Variants in MTHFD1L observed in about 807,000 individuals in gnomAD.
MTHFD1L encodes the protein methylenetetrahydrofolate dehydrogenase (NADP+ dependent) 1 like.
In MTHFD1L, 81 loss-of-function variants were observed where a neutral mutation model predicts 119.5. That is an observed-to-expected ratio of 0.68 (90% CI 0.57 to 0.82). The LOEUF (loss-of-function observed/expected upper bound fraction) is 0.82. Ranked by LOEUF, MTHFD1L falls within the 40% of genes least tolerant of loss-of-function variation. MTHFD1L has a pLI of 0.00. For missense variants in MTHFD1L, 1,125 were observed against 1,253.4 expected (o/e 0.90, Z 1.55); for synonymous variants, 430 against 475.2 (o/e 0.90, Z 1.24).
intron 5 of MTHFD1L, 80 bp downstream of exon 5, chr6:150,882,966 T>C: frequency 7.6e-7 from 1 of 1,312,414 alleles, no homozygotes; most frequent in Non-Finnish European, 1.0e-6. Context: ...TTTCTAAATT[T>C]CTTCTATTTA....
chr6:151,003,401 G>A (rs186363669), intron 20 of MTHFD1L, among the ~76,000 whole-genome samples: 418 of 152,210 alleles, frequency 2.7e-3, no homozygotes, highest in African/African-American at 9.6e-3. Flanking sequence ...GCGTGGTGGT[G>A]GGTGCCTGTA....
intron 26 of MTHFD1L, among the ~76,000 whole-genome samples, chr6:151,059,036 G>A (rs1790326728): frequency 6.6e-6 from 1 of 151,962 alleles, no homozygotes; most frequent in African/African-American, 2.4e-5. Context: ...GTGCCTCAGT[G>A]AGGGGCAGGC....
rs146424777 is a variant in MTHFD1L at position 151,096,750 on chromosome 6, A to G, written c.*31+4163A>G. Among the ~76,000 whole-genome samples the G allele has an allele frequency of 3.6e-3, 543 of 152,296 alleles. 5 individuals are homozygous for G. The highest frequency in any genetic ancestry group is 0.012 in the African/African-American group (513 of 41,550). On this transcript the variant is annotated intron_variant, in intron 27 of 27. Transcript: ENST00000367321. ...CAGGAAAGTGTTGAAGGCGCGTTCC[A>G]CTCAGGAAGAAGATTGTGCTTGGTT...
At chr6:150,964,050 TC>T (rs1199338171) in intron 18 of MTHFD1L, among the ~76,000 whole-genome samples, 3 of 152,178 alleles carry the variant, frequency 2.0e-5, no homozygotes, top group Non-Finnish European at 4.4e-5. Context: ...ATGCCTGTAG[TC>T]CCAGCTACTG....
At chr6:150,908,965 C>CA (rs963552645) in intron 8 of MTHFD1L, among the ~76,000 whole-genome samples, 22 of 151,962 alleles carry the variant, frequency 1.4e-4, no homozygotes, top group African/African-American at 5.1e-4. Flanking sequence ...TGGGTGAAGA[C>CA]AGAGTTTTAT....
At chr6:150,874,732 C>T (rs1010262665) in intron 1 of MTHFD1L, among the ~76,000 whole-genome samples, 1 of 152,024 alleles carries the variant, frequency 6.6e-6, no homozygotes, top group Non-Finnish European at 1.5e-5. Flanking sequence ...GTCACTCATC[C>T]CAGAAGGTTC....
chr6:150,969,436 C>T (rs1271188994), intron 19 of MTHFD1L, among the ~76,000 whole-genome samples: 2 of 150,564 alleles, frequency 1.3e-5, no homozygotes, highest in African/African-American at 4.9e-5. Flanking sequence ...GTGGAGGTTG[C>T]AGTGAGCAGA....
intron 25 of MTHFD1L, among the ~76,000 whole-genome samples, chr6:151,035,228 A>G (rs1332863314): frequency 1.3e-5 from 2 of 152,206 alleles, no homozygotes; most frequent in Admixed American, 1.3e-4. Context: ...AGTGACAGTC[A>G]TGATCAATCA....
At chr6:151,087,024 C>T (rs903060507) in intron 26 of MTHFD1L, among the ~76,000 whole-genome samples, 10 of 152,034 alleles carry the variant, frequency 6.6e-5, no homozygotes, top group South Asian at 2.1e-4. Context: ...CCGAGGCAGA[C>T]GAATCATTTG....
At chr6:150,922,026 A>G (rs1286364397) in intron 9 of MTHFD1L, among the ~76,000 whole-genome samples, 179 bp from the exon 10 acceptor site, 1 of 152,188 alleles carries the variant, frequency 6.6e-6, no homozygotes, top group Admixed American at 6.5e-5. Flanking sequence ...TTTCCTTTTT[A>G]AGAAAAACCT....
chr6:150,892,055 C>T (rs1216543038), intron 7 of MTHFD1L, among the ~76,000 whole-genome samples: 1 of 152,144 alleles, frequency 6.6e-6, no homozygotes, highest in Non-Finnish European at 1.5e-5. Flanking sequence ...TGCAATGAAA[C>T]GTGAACCTGT....
intron 24 of MTHFD1L, among the ~76,000 whole-genome samples, chr6:151,029,314 G>A (rs1319648493): frequency 5.3e-5 from 8 of 151,766 alleles, no homozygotes; most frequent in Non-Finnish European, 8.8e-5. Context: ...CCAGCTGTTC[G>A]GGAGGCTGAG....
chr6:150,906,061 C>T (rs1054294680), intron 8 of MTHFD1L, among the ~76,000 whole-genome samples: 7 of 152,134 alleles, frequency 4.6e-5, no homozygotes, highest in South Asian at 2.1e-4. Context: ...CTAGAAATAG[C>T]GGTTTTCACA....
intron 20 of MTHFD1L, among the ~76,000 whole-genome samples, chr6:150,992,791 G>A (rs1438726395): frequency 6.6e-6 from 1 of 152,110 alleles, no homozygotes; most frequent in Non-Finnish European, 1.5e-5. Flanking sequence ...GTAGGGATGC[G>A]GGCAGTTGGT....
chr6:151,065,175 C>A (rs982368834), intron 26 of MTHFD1L, among the ~76,000 whole-genome samples: 1 of 152,174 alleles, frequency 6.6e-6, no homozygotes, highest in Non-Finnish European at 1.5e-5. Flanking sequence ...TTAGGAGTAT[C>A]TGGCATGCCA....
chr6:150,998,995 A>AAAAAAAAATGTATATATATATAT (rs986639098), intron 20 of MTHFD1L, among the ~76,000 whole-genome samples: 2 of 143,582 alleles, frequency 1.4e-5, no homozygotes, highest in African/African-American at 5.2e-5. Context: ...GTCTTAAAAA[A>AAAAAAAAATGTATATATATATAT]ATATATATAC....
At chr6:151,079,556 C>G (rs1792916765) in intron 26 of MTHFD1L, among the ~76,000 whole-genome samples, 1 of 152,050 alleles carries the variant, frequency 6.6e-6, no homozygotes, top group East Asian at 1.9e-4. Context: ...ATGGCGTGAT[C>G]TCGGCTCACC....
chr6:150,884,903 T>C (rs1781977363), intron 5 of MTHFD1L, among the ~76,000 whole-genome samples: 1 of 152,004 alleles, frequency 6.6e-6, no homozygotes, highest in Admixed American at 6.6e-5. Context: ...CAATCCCAGG[T>C]CTTACTGGGT....
intron 13 of MTHFD1L, among the ~76,000 whole-genome samples, 185 bp downstream of exon 13, chr6:150,938,930 A>G (rs1792596867): frequency 6.6e-6 from 1 of 152,204 alleles, no homozygotes; most frequent in Non-Finnish European, 1.5e-5. Context: ...GTGATGAGCT[A>G]TAATTATATG....
Sources: gnomAD v4.1 joint callset for allele counts (sites outside exome capture counted in the v4.1 genomes callset) on GRCh38, gnomAD v4.1.1 for gene constraint, MANE v1.5 for transcripts, NCBI Gene and HGNC (gene_info 2026-07-23, HGNC 2026-07-21) for gene names.